The following BASP1 variants were observed in gnomAD, a reference collection of about 807,000 sequenced individuals.
BASP1 encodes brain acid soluble protein 1.
BASP1 carries 1 observed loss-of-function variant against 2.2 expected under a neutral mutation model. That is an observed-to-expected ratio of 0.46 (90% confidence interval 0.16 to 2.17). The LOEUF (loss-of-function observed/expected upper bound fraction) is 2.17, where lower values mean the gene tolerates loss of function less well. Ranked by LOEUF, BASP1 falls within the 30% of genes most tolerant of loss-of-function variation. The pLI, the probability that BASP1 is intolerant of heterozygous loss-of-function variation, is 0.27. For missense variants in BASP1, 352 were observed against 327.2 expected, an observed-to-expected ratio of 1.08 and a Z score of -0.58; for synonymous variants, 187 against 154.2, an observed-to-expected ratio of 1.21 and a Z score of -1.58.
intron 1 of BASP1, among the ~76,000 whole-genome samples, chr5:17,263,644 T>C (rs2126516018): frequency 6.6e-6 from 1 of 152,314 alleles, no homozygotes; most frequent in South Asian, 2.1e-4. Flanking sequence ...CTTTCTGACT[T>C]TGTAGATCCA....
chr5:17,247,280 G>T (rs1004495195), intron 1 of BASP1, among the ~76,000 whole-genome samples: 9 of 152,326 alleles, frequency 5.9e-5, no homozygotes, highest in African/African-American at 1.9e-4. Context: ...CCGAATGTTG[G>T]ATTCTTAAAG....
At chr5:17,221,812 A>G (rs1739399053) in intron 1 of BASP1, among the ~76,000 whole-genome samples, 1 of 152,050 alleles carries the variant, frequency 6.6e-6, no homozygotes, top group Admixed American at 6.6e-5. Flanking sequence ...AAGATAAAGT[A>G]CTCTTTATGT....
rs550070608 is a variant in BASP1, at chr5:17,239,810, C to T, written c.-10+22000C>T. 8.5e-5 allele frequency among the ~76,000 whole-genome samples: 13 copies of T among 152,304 alleles called. 1 individual carries two copies. The East Asian group carries it at 2.5e-3, about 29-fold the overall frequency. ...TACCCCCAAAATCTGTGAATTTGTA[C>T]TAATTCAAAATCCTCTTTGCTGGTA... On this transcript the variant is annotated intron_variant, in intron 1 of 1. Coordinates refer to ENST00000322611, the MANE Select transcript of BASP1 (RefSeq NM_006317.5).
chr5:17,240,141 A>G (rs919958394), intron 1 of BASP1, among the ~76,000 whole-genome samples: 5 of 150,630 alleles, frequency 3.3e-5, no homozygotes, highest in Admixed American at 6.6e-5. Context: ...AAGATAAATA[A>G]ATAAATAAAT....
Position 17,260,894 on chromosome 5 carries a change from C to T in BASP1, c.-9-14314C>T, listed in dbSNP as rs187683917. Among the ~76,000 whole-genome samples, 172 of 152,298 alleles carry T rather than the reference C, an allele frequency of 1.1e-3. 3 individuals carry two copies. The highest frequency in any genetic ancestry group is 3.1e-4 in the Non-Finnish European group (21 of 68,030). ...AACAATATAAAAGGGTTAAGCAGGC[C>T]TGGCCTGGTGGTGGCTAACACCTGT... is the stretch of plus-strand genomic sequence containing the variant. On this transcript the variant is annotated intron_variant, in intron 1 of 1. Coordinates refer to ENST00000322611, the MANE Select transcript of BASP1 (RefSeq NM_006317.5). This position sits in a 1 kb window ranked among gnomAD's most constrained non-coding sequence, Gnocchi z 4.2.
chr5:17,244,589 C>T lies in BASP1; in HGVS notation c.-10+26779C>T, dbSNP rs114058833. Among the ~76,000 whole-genome samples, 339 of 152,118 alleles carry T rather than the reference C, an allele frequency of 2.2e-3. 2 individuals carry two copies. Among genetic ancestry groups the T allele is most frequent in the African/African-American group, 7.7e-3 (321 of 41,488 alleles). ...ACAAGCACACTGCCATTGTTTACATCGTCAGACTTAAGAGTTCTGTTTTGG... is the reference window on the plus strand; with the variant it reads ...ACAAGCACACTGCCATTGTTTACATTGTCAGACTTAAGAGTTCTGTTTTGG... On this transcript the variant is annotated intron_variant, in intron 1 of 1. Transcript: ENST00000322611.
intron 1 of BASP1, among the ~76,000 whole-genome samples, chr5:17,218,204 C>G (rs1441898292): frequency 6.8e-6 from 1 of 146,822 alleles, no homozygotes; most frequent in Non-Finnish European, 1.5e-5. Context: ...GGGAGCGCTT[C>G]CGTCATCGGA....
At chr5:17,244,498 G>A (rs1739937113) in intron 1 of BASP1, among the ~76,000 whole-genome samples, 1 of 152,160 alleles carries the variant, frequency 6.6e-6, no homozygotes, top group South Asian at 2.1e-4. Context: ...AATCCTGGGA[G>A]TCATCGTTTA....
intron 1 of BASP1, among the ~76,000 whole-genome samples, chr5:17,272,976 A>G (rs1367387629): frequency 1.3e-5 from 2 of 152,136 alleles, no homozygotes; most frequent in East Asian, 1.9e-4. Flanking sequence ...TGGACCCCCT[A>G]TGTTTGCACT....
intron 1 of BASP1, among the ~76,000 whole-genome samples, chr5:17,269,388 C>G (rs1370198955): frequency 6.6e-6 from 1 of 152,084 alleles, no homozygotes; most frequent in Admixed American, 6.6e-5. Flanking sequence ...TTTTGAGTTT[C>G]CTGGCAGGTG....
chr5:17,276,099 T>A lies in BASP1; in HGVS notation c.*199T>A. The A allele has an allele frequency of 3.9e-5, 12 of 308,920 alleles. No individual in the cohort carries two copies. The highest frequency in any genetic ancestry group is 5.7e-5 in the East Asian group (1 of 17,478). 19.1% of individuals were successfully genotyped at this position (308,920 alleles called of 1,614,324 possible). On this transcript the variant is annotated 3_prime_UTR_variant, in exon 2 of 2. Transcript: ENST00000322611. The stretch of plus-strand genomic sequence containing the variant: ...AGGAAAAATACAGGATGTTGTCCCA[T>A]CAAGGGAGGGAGGGGGTGGGAGAAT...
chr5:17,275,543 G>T lies in BASP1; in HGVS notation c.327G>T (p.Ala109=). The T allele has an allele frequency of 7.1e-7, 1 of 1,404,632 alleles. No individual in the cohort carries two copies. The highest frequency in any genetic ancestry group is 1.6e-5 in the South Asian group (1 of 62,186). 87.0% of individuals were successfully genotyped at this position (1,404,632 alleles called of 1,614,324 possible). A position where few individuals can be genotyped will look rare whatever the true frequency, so the allele number is the denominator to read the frequency against. ...EPPKAPEQEQ[A]APGPAAGGEA... The stretch of plus-strand genomic sequence containing the variant: ...CGAAGGCGCCCGAGCAGGAGCAGGC[G>T]GCCCCCGGCCCCGCTGCGGGCGGCG... The change falls in exon 2 of 2, where the codon GCG becomes GCT. Residue 109 remains alanine, a synonymous_variant. Coordinates refer to ENST00000322611, the MANE Select transcript of BASP1 (RefSeq NM_006317.5). This position sits in a 1 kb window ranked among gnomAD's most constrained non-coding sequence, Gnocchi z 5.3.
chr5:17,261,021 T>A (rs1450904934), intron 1 of BASP1, among the ~76,000 whole-genome samples: 2 of 152,164 alleles, frequency 1.3e-5, no homozygotes, highest in African/African-American at 4.8e-5. Context: ...TCTCTAAAAA[T>A]TTTTTAAAAA....
chr5:17,258,710 G>A (rs1205149534), intron 1 of BASP1, among the ~76,000 whole-genome samples: 1 of 152,124 alleles, frequency 6.6e-6, no homozygotes, highest in Non-Finnish European at 1.5e-5. Flanking sequence ...ATCGTCTCTG[G>A]AATTCCATGG....
chr5:17,238,187 G>A (rs1179673902), intron 1 of BASP1, among the ~76,000 whole-genome samples: 1 of 151,552 alleles, frequency 6.6e-6, no homozygotes, highest in African/African-American at 2.4e-5. Flanking sequence ...TACAGCACTG[G>A]ACATTTTCTT....
At chr5:17,269,296 G>A (rs1348555377) in intron 1 of BASP1, among the ~76,000 whole-genome samples, 1 of 152,246 alleles carries the variant, frequency 6.6e-6, no homozygotes, top group Admixed American at 6.5e-5. Context: ...TGTCAGGACT[G>A]AGTGTGTAGT....
chr5:17,226,740 G>A (rs1168708046), intron 1 of BASP1, among the ~76,000 whole-genome samples: 1 of 152,162 alleles, frequency 6.6e-6, no homozygotes, highest in African/African-American at 2.4e-5. Context: ...TTGGAGAAAA[G>A]GAAAATGTAG....
chr5:17,217,053 GGAGAGAGAGAGAGAGAGTGAGAGAGAGA>G (rs1739252769), upstream of BASP1: 1 of 104,142 alleles, frequency 9.6e-6, no homozygotes, highest in African/African-American at 3.9e-5. Flanking sequence ...TAAATGAGGG[GGAGAGAGAGAGAGAGAGTGAGAGAGAGA>G]GAGAGAGAGA....
chr5:17,259,386 G>A (rs1189289963), intron 1 of BASP1, among the ~76,000 whole-genome samples: 1 of 152,158 alleles, frequency 6.6e-6, no homozygotes, highest in East Asian at 1.9e-4. Context: ...TGGGGACACA[G>A]CCAAACCATA....
Sources: allele counts gnomAD v4.1 joint callset (sites outside exome capture counted in the v4.1 genomes callset), GRCh38; gene constraint gnomAD v4.1.1; non-coding constraint Gnocchi (gnomAD v3.1); transcripts MANE v1.5; gene names NCBI Gene and HGNC (gene_info 2026-07-23, HGNC 2026-07-21).